Variants in MCPH1 observed in about 807,000 individuals in gnomAD.
MCPH1 encodes the protein microcephalin.
A neutral mutation model predicts 84.5 loss-of-function variants in MCPH1; 104 were observed. That is an observed-to-expected ratio of 1.23 (90% CI 1.05 to 1.45). The LOEUF (loss-of-function observed/expected upper bound fraction) is 1.45. Among genes scored for constraint, MCPH1 ranks in the 40% most tolerant of loss-of-function variants. MCPH1 has a pLI of 0.00. For synonymous variants in MCPH1, 514 were observed against 366.8 expected, an observed-to-expected ratio of 1.40 and a Z score of -4.58; for missense variants, 1,498 against 1,005.7, an observed-to-expected ratio of 1.49 and a Z score of -6.62.
chr8:6,551,309 G>A (rs1405437472), intron 12 of MCPH1, among the ~76,000 whole-genome samples: 1 of 152,184 alleles, frequency 6.6e-6, no homozygotes, highest in East Asian at 1.9e-4. Context: ...GGGAAAGGAA[G>A]AATAGTGTGC....
intron 12 of MCPH1, chr8:6,562,643 C>G (rs563290286): frequency 2.2e-6 from 3 of 1,372,606 alleles, no homozygotes; most frequent in East Asian, 3.2e-5. Flanking sequence ...GATTTTTTTC[C>G]TACCTTCATT....
In MCPH1 at chr8:6,574,157, G is replaced by T. The variant is rs564714823; in HGVS notation, c.2215-47297G>T. 1.4e-4 allele frequency among the ~76,000 whole-genome samples: 21 copies of T among 152,300 alleles called. No homozygotes were observed. The South Asian group carries it at 1.5e-3, about 11-fold the overall frequency. On this transcript the variant is annotated intron_variant, in intron 12 of 13. Coordinates refer to ENST00000344683, the MANE Select transcript of MCPH1 (RefSeq NM_024596.5). The stretch of plus-strand genomic sequence containing the variant: ...ATCCCTGCTGTATTGGTTTGCTAAG[G>T]CTGCGGTACAATGTGCCACAAACCG...
At chr8:6,600,218 C>T (rs915084074) in intron 12 of MCPH1, among the ~76,000 whole-genome samples, 11 of 152,194 alleles carry the variant, frequency 7.2e-5, no homozygotes, top group Admixed American at 2.6e-4. Flanking sequence ...GGCAAGAGTG[C>T]GGTATTTTTA....
chr8:6,524,818 TGGTTTCAC>T (rs1158260430), intron 12 of MCPH1, among the ~76,000 whole-genome samples: 1 of 152,186 alleles, frequency 6.6e-6, no homozygotes, highest in African/African-American at 2.4e-5. Context: ...ATGAAGATCA[TGGTTTCAC>T]TGAAGAGAAA....
chr8:6,541,138 C>G (rs1821483239), intron 12 of MCPH1, among the ~76,000 whole-genome samples: 2 of 152,168 alleles, frequency 1.3e-5, no homozygotes, highest in Non-Finnish European at 2.9e-5. Flanking sequence ...TCTGAGATGT[C>G]CTGAAGAGCA....
chr8:6,526,296 G>A (rs1040224451), intron 12 of MCPH1, among the ~76,000 whole-genome samples: 5 of 145,900 alleles, frequency 3.4e-5, no homozygotes, highest in East Asian at 2.1e-4. Context: ...TCAGCTGGGT[G>A]TGTGACACAT....
At chr8:6,500,243 G>C (rs1369702510) in intron 12 of MCPH1, 11 of 358,186 alleles carry the variant, frequency 3.1e-5, no homozygotes, top group Non-Finnish European at 4.8e-5. Context: ...CTTGCTTAAT[G>C]TTTTTACTGT....
At chr8:6,582,970 C>A (rs1378726189) in intron 12 of MCPH1, among the ~76,000 whole-genome samples, 1 of 152,180 alleles carries the variant, frequency 6.6e-6, no homozygotes, top group Non-Finnish European at 1.5e-5. Flanking sequence ...TCACTGTCTT[C>A]TGAAGTTCTG....
chr8:6,646,900 C>G lies in MCPH1; in HGVS notation c.*3851C>G, dbSNP rs531321547. The G allele has an allele frequency of 5.3e-5, 8 of 151,912 alleles. No individual in the cohort carries two copies. The East Asian group carries it at 1.5e-3, about 29-fold the overall frequency. The allele number at this position is 151,912 out of a possible 1,614,324, so 9.4% of individuals were successfully genotyped here. On this transcript the variant is annotated 3_prime_UTR_variant, in exon 14 of 14. Coordinates refer to ENST00000344683, the MANE Select transcript of MCPH1 (RefSeq NM_024596.5). The stretch of plus-strand genomic sequence containing the variant: ...GAAATCATTCTGACCTCAGGTTAGG[C>G]AAAGCTTTCTTAGATATGACACTAA...
Position 6,548,693 on chromosome 8 carries a change from G to A in MCPH1, c.2214+48764G>A, listed in dbSNP as rs147905192. On this transcript the variant is annotated intron_variant, in intron 12 of 13. Coordinates refer to ENST00000344683, the MANE Select transcript of MCPH1 (RefSeq NM_024596.5). ...TTTGAAAAAAGGAAGAAAAGTCCTC[G>A]TGCTCACAGAAGCAAGCTCCCATTG... Among the ~76,000 whole-genome samples, 291 of 152,268 alleles carry A rather than the reference G, an allele frequency of 1.9e-3. 1 individual carries two copies. Among genetic ancestry groups the A allele is most frequent in the Non-Finnish European group, 3.4e-3 (229 of 68,012 alleles).
intron 7 of MCPH1, among the ~76,000 whole-genome samples, chr8:6,443,493 C>T (rs925562612): frequency 3.6e-4 from 55 of 151,532 alleles, no homozygotes; most frequent in African/African-American, 1.3e-3. Context: ...CTAACACTTA[C>T]GTGACCTCCA....
At chr8:6,540,834 G>A (rs1821418340) in intron 12 of MCPH1, among the ~76,000 whole-genome samples, 1 of 152,268 alleles carries the variant, frequency 6.6e-6, no homozygotes, top group Admixed American at 6.5e-5. Flanking sequence ...GGGCGCCGCA[G>A]GGTGGTTCGC....
intron 12 of MCPH1, among the ~76,000 whole-genome samples, chr8:6,552,591 T>G (rs1434582075): frequency 6.6e-6 from 1 of 152,194 alleles, no homozygotes; most frequent in Non-Finnish European, 1.5e-5. Flanking sequence ...CTTTCTGGTG[T>G]TCCTATTAAA....
At chr8:6,553,242 G>A (rs1168738194) in intron 12 of MCPH1, among the ~76,000 whole-genome samples, 2 of 152,302 alleles carry the variant, frequency 1.3e-5, no homozygotes, top group Admixed American at 6.5e-5. Context: ...TCTCGATGTG[G>A]CTGTGAACCT....
intron 3 of MCPH1, among the ~76,000 whole-genome samples, chr8:6,425,702 TAAAG>T (rs1800959792): frequency 6.6e-6 from 1 of 152,234 alleles, no homozygotes; most frequent in Non-Finnish European, 1.5e-5. Flanking sequence ...ACTGCTAACT[TAAAG>T]AATACTTACT....
At chr8:6,475,217 C>T (rs971122925) in intron 9 of MCPH1, among the ~76,000 whole-genome samples, 3 of 152,244 alleles carry the variant, frequency 2.0e-5, no homozygotes, top group Non-Finnish European at 2.9e-5. Context: ...CTTCCAGTAC[C>T]AGTGCAGCTA....
chr8:6,411,930 G>A (rs1250695650), intron 2 of MCPH1, among the ~76,000 whole-genome samples: 1 of 152,132 alleles, frequency 6.6e-6, no homozygotes, highest in Non-Finnish European at 1.5e-5. Flanking sequence ...TTATGTCCTT[G>A]TCTGGCATTT....
intron 13 of MCPH1, among the ~76,000 whole-genome samples, chr8:6,634,360 G>GA (rs1213649524): frequency 2.0e-5 from 3 of 152,216 alleles, no homozygotes; most frequent in Non-Finnish European, 4.4e-5. Context: ...TATCGCTAAT[G>GA]AAAATCTGAT....
At chr8:6,482,962 G>C (rs1809422718) in intron 11 of MCPH1, among the ~76,000 whole-genome samples, 1 of 152,212 alleles carries the variant, frequency 6.6e-6, no homozygotes, top group South Asian at 2.1e-4. Context: ...ATGTAGGTTA[G>C]AAAGGAAGAA....
Sources: allele counts gnomAD v4.1 joint callset (sites outside exome capture counted in the v4.1 genomes callset), GRCh38; gene constraint gnomAD v4.1.1; transcripts MANE v1.5; gene names NCBI Gene and HGNC (gene_info 2026-07-23, HGNC 2026-07-21).